RGS7BP: variants seen among roughly 807,000 people sequenced by gnomAD.
RGS7BP encodes regulator of G protein signaling 7 binding protein.
RGS7BP carries 9 observed loss-of-function variants against 31.3 expected under a neutral mutation model. The observed-to-expected ratio is 0.29, with a 90% confidence interval of 0.17 to 0.50. The LOEUF is 0.50. RGS7BP is among the 20% of genes least tolerant of loss of function. The pLI is 0.98. For missense variants in RGS7BP, 274 were observed against 322.0 expected (o/e 0.85, Z 1.14); for synonymous variants, 115 against 120.1 (o/e 0.96, Z 0.28).
chr5:64,550,383 G>T (rs1741762124), intron 2 of RGS7BP, among the ~76,000 whole-genome samples: 1 of 152,066 alleles, frequency 6.6e-6, no homozygotes, highest in Non-Finnish European at 1.5e-5. Flanking sequence ...CAAGCTTTCT[G>T]ATGTCTCTTT....
At chr5:64,523,379 C>A (rs1749157512) in intron 2 of RGS7BP, among the ~76,000 whole-genome samples, 1 of 152,060 alleles carries the variant, frequency 6.6e-6, no homozygotes, top group South Asian at 2.1e-4. Context: ...TCTATGAATT[C>A]AAGTTTACAT....
At chr5:64,532,986 C>T (rs960798613) in intron 2 of RGS7BP, among the ~76,000 whole-genome samples, 1 of 152,162 alleles carries the variant, frequency 6.6e-6, no homozygotes, top group Non-Finnish European at 1.5e-5. Flanking sequence ...TGGACTGCCA[C>T]TCTTGTGCCT....
At chr5:64,605,555 T>C (rs1276088492) in intron 5 of RGS7BP, among the ~76,000 whole-genome samples, 1 of 152,156 alleles carries the variant, frequency 6.6e-6, no homozygotes, top group Non-Finnish European at 1.5e-5. Flanking sequence ...ATCCCAGGAA[T>C]ACTTACTGCT....
rs1210021014 is a variant in RGS7BP at position 64,579,403 on chromosome 5, G to T, written c.463+3499G>T. Among the ~76,000 whole-genome samples, 8 of 151,808 alleles carry T rather than the reference G, an allele frequency of 5.3e-5. No homozygotes were observed. In the East Asian group the frequency reaches 1.6e-3, roughly 29 times the overall value. ...TACTAAAAATACAAAAATTAGCTGG[G>T]TGTGGTGGCATGTGCCTGTAATCCC... On this transcript the variant is annotated intron_variant, in intron 3 of 5. Coordinates refer to ENST00000334025, the MANE Select transcript of RGS7BP (RefSeq NM_001029875.3).
chr5:64,547,671 C>T lies in RGS7BP; in HGVS notation c.333-28103C>T, dbSNP rs534247724. Among the ~76,000 whole-genome samples the T allele has an allele frequency of 1.8e-3, 271 of 152,222 alleles. 1 individual carries two copies. The highest frequency in any genetic ancestry group is 6.5e-3 in the African/African-American group (269 of 41,548). On this transcript the variant is annotated intron_variant, in intron 2 of 5. Transcript: ENST00000334025. ...AGAAAAATTCTGTCAGAAATAGTCT[C>T]ACCCGTAATTTGAATAGGTAGGAAA...
chr5:64,577,287 A>C (rs1287919216), intron 3 of RGS7BP, among the ~76,000 whole-genome samples: 1 of 151,658 alleles, frequency 6.6e-6, no homozygotes, highest in Non-Finnish European at 1.5e-5. Context: ...AAATACAAAA[A>C]CAAAATTAGC....
At chr5:64,577,278 A>C (rs1451250656) in intron 3 of RGS7BP, among the ~76,000 whole-genome samples, 1 of 151,920 alleles carries the variant, frequency 6.6e-6, no homozygotes. Flanking sequence ...CTCTACTAAA[A>C]ATACAAAAAC....
chr5:64,591,266 A>C (rs541243019), intron 3 of RGS7BP, among the ~76,000 whole-genome samples: 38 of 152,278 alleles, frequency 2.5e-4, no homozygotes, highest in African/African-American at 8.9e-4. Flanking sequence ...CAAGTGGTCA[A>C]TTAAACATAG....
At chr5:64,603,043 C>T (rs1030302695) in intron 5 of RGS7BP, among the ~76,000 whole-genome samples, 5 of 152,220 alleles carry the variant, frequency 3.3e-5, no homozygotes, top group African/African-American at 1.2e-4. Context: ...AGACAAAAGG[C>T]TTAAGAGAGA....
intron 2 of RGS7BP, among the ~76,000 whole-genome samples, chr5:64,525,025 C>T (rs1375923306): frequency 1.3e-5 from 2 of 152,072 alleles, no homozygotes; most frequent in Non-Finnish European, 2.9e-5. Context: ...TATTTCTTGT[C>T]ACTTCTGCCT....
chr5:64,558,405 A>G (rs1213462958), intron 2 of RGS7BP, among the ~76,000 whole-genome samples: 1 of 152,128 alleles, frequency 6.6e-6, no homozygotes, highest in Non-Finnish European at 1.5e-5. Context: ...CTGAACATAA[A>G]TTATAAAGAT....
intron 3 of RGS7BP, among the ~76,000 whole-genome samples, chr5:64,582,810 C>A (rs1742637643): frequency 6.6e-6 from 1 of 152,056 alleles, no homozygotes; most frequent in Non-Finnish European, 1.5e-5. Flanking sequence ...AGTAAAAACT[C>A]CAGTGTATTC....
intron 5 of RGS7BP, among the ~76,000 whole-genome samples, chr5:64,599,977 A>G (rs556946957): frequency 6.6e-5 from 10 of 152,298 alleles, no homozygotes; most frequent in Non-Finnish European, 1.2e-4. Context: ...TATTGTTGTC[A>G]CTGTTATTAT....
chr5:64,609,961 A>G lies in RGS7BP; in HGVS notation c.*709A>G, dbSNP rs1743462567. 6.6e-6 allele frequency: 1 copy of G among 152,456 alleles called. No individual in the cohort carries two copies. Among genetic ancestry groups the G allele is most frequent in the African/African-American group, 2.4e-5 (1 of 41,434 alleles). The allele number at this position is 152,456 out of a possible 1,614,324, so 9.4% of individuals were successfully genotyped here. A position where few individuals can be genotyped will look rare whatever the true frequency, so the allele number is the denominator to read the frequency against. ...CAACTAATTTCTTTTTGATCCAATG[A>G]TGTCTTTTTCAGCTTCTTGGAGAAT... On this transcript the variant is annotated 3_prime_UTR_variant, in exon 6 of 6. Transcript: ENST00000334025.
chr5:64,544,030 C>T (rs1404704862), intron 2 of RGS7BP, among the ~76,000 whole-genome samples: 1 of 152,150 alleles, frequency 6.6e-6, no homozygotes, highest in Non-Finnish European at 1.5e-5. Context: ...TTGGATTTAC[C>T]GATCTCTGTT....
intron 5 of RGS7BP, among the ~76,000 whole-genome samples, chr5:64,600,609 T>C (rs1743193640): frequency 6.6e-6 from 1 of 152,152 alleles, no homozygotes; most frequent in Admixed American, 6.5e-5. Context: ...GAACCTTGGA[T>C]CTATCTGGGG....
chr5:64,514,882 G>A (rs543340887), intron 2 of RGS7BP, among the ~76,000 whole-genome samples: 5 of 152,218 alleles, frequency 3.3e-5, no homozygotes, highest in Non-Finnish European at 5.9e-5. Flanking sequence ...TTGACTAAAT[G>A]TGATATGGCA....
chr5:64,506,697 A>G lies in RGS7BP; in HGVS notation c.73A>G (p.Lys25Glu). 1.2e-6 allele frequency: 2 copies of G among 1,613,440 alleles called. No individual in the cohort carries two copies. The highest frequency in any genetic ancestry group is 2.2e-5 in the South Asian group (2 of 91,058). ...CCGCTCCTCGATCTTCCAGATCAGC[A>G]AGCCCCCGCTGCAGAGCGGAGATTG... The part of the protein sequence containing the change: ...STRSSIFQIS[K>E]PPLQSGDWER... The change falls in exon 1 of 6, where the codon AAG becomes GAG. Residue 25 changes from lysine to glutamate, a missense_variant. Transcript: ENST00000334025. This position sits in a 1 kb window ranked among gnomAD's most constrained non-coding sequence, Gnocchi z 4.6.
At chr5:64,539,975 AT>A (rs1312088215) in intron 2 of RGS7BP, among the ~76,000 whole-genome samples, 2 of 152,206 alleles carry the variant, frequency 1.3e-5, no homozygotes, top group East Asian at 3.9e-4. Context: ...GATTTGCACA[AT>A]TTTTTTAAAA....
Sources: allele counts gnomAD v4.1 joint callset (sites outside exome capture counted in the v4.1 genomes callset), GRCh38; gene constraint gnomAD v4.1.1; non-coding constraint Gnocchi (gnomAD v3.1); transcripts MANE v1.5; gene names NCBI Gene and HGNC (gene_info 2026-07-23, HGNC 2026-07-21).